The following FAM13A variants were observed in gnomAD, a reference collection of about 807,000 sequenced individuals.
The protein encoded by FAM13A is family with sequence similarity 13 member A.
In FAM13A, 76 loss-of-function variants were observed where a neutral mutation model predicts 129.6. That is an observed-to-expected ratio of 0.59 (90% CI 0.49 to 0.71). The LOEUF (loss-of-function observed/expected upper bound fraction) is 0.71, where lower values mean the gene tolerates loss of function less well. Among genes scored for constraint, FAM13A ranks in the 30% least tolerant of loss-of-function variants. The pLI is 0.00. For synonymous variants in FAM13A, 443 were observed against 449.9 expected (o/e 0.98, Z 0.20); for missense variants, 1,108 against 1,249.3 (o/e 0.89, Z 1.70).
Position 88,747,639 on chromosome 4 carries a change from C to T in FAM13A, c.2374G>A (p.Asp792Asn). The T allele has an allele frequency of 6.2e-7, 1 of 1,614,052 alleles. No individual in the cohort carries two copies. The highest frequency in any genetic ancestry group is 8.5e-7 in the Non-Finnish European group (1 of 1,179,916). The change falls in exon 18 of 24, where the codon GAC (aspartate) becomes AAC (asparagine). Residue 792 changes from aspartate (D) to asparagine (N), a missense_variant. By Grantham distance (23) the Asp-to-Asn change is conservative. Coordinates refer to ENST00000264344, the MANE Select transcript of FAM13A (RefSeq NM_014883.4). Reference sequence around the variant, plus strand: ...TCACAGAATGATCGCACCTTAATGTCCTCAGGGCGGCTGCTTTCCGCTCGC... The same window carrying T: ...TCACAGAATGATCGCACCTTAATGTTCTCAGGGCGGCTGCTTTCCGCTCGC... Reference protein sequence around the residue: ...EKRAESSRPEDIKDMTKDQIA... With the variant: ...EKRAESSRPENIKDMTKDQIA...
chr4:88,763,305 ATTC>A (rs1745150874), intron 13 of FAM13A, among the ~76,000 whole-genome samples: 2 of 152,210 alleles, frequency 1.3e-5, no homozygotes, highest in South Asian at 4.2e-4. Context: ...TCATTCATTC[ATTC>A]ATACATTTGG....
intron 5 of FAM13A, among the ~76,000 whole-genome samples, chr4:88,921,791 G>A (rs895404102): frequency 1.4e-4 from 22 of 152,192 alleles, no homozygotes; most frequent in Non-Finnish European, 2.9e-4. Context: ...TCAGTGTGCT[G>A]TATTCAGGAA....
rs1351652951 is a variant in FAM13A, at chr4:89,002,177, A to C, written c.428-11027T>G. On this transcript the variant is annotated intron_variant, in intron 3 of 23. Coordinates refer to ENST00000264344, the MANE Select transcript of FAM13A (RefSeq NM_014883.4). Reference sequence around the variant, plus strand: ...TTAAAAAGTGTAAGCACCCAACGGCAAAAAAAAAAAAAAAAAAGAACAGCA... The same window carrying C: ...TTAAAAAGTGTAAGCACCCAACGGCCAAAAAAAAAAAAAAAAAGAACAGCA... Among the ~76,000 whole-genome samples, 9 of 16,862 alleles carry C rather than the reference A, an allele frequency of 5.3e-4. No homozygotes were observed. In the African/African-American group the frequency reaches 7.0e-3, roughly 13 times the overall value. 11.1% of individuals were successfully genotyped at this position (16,862 alleles called of 152,430 possible).
At chr4:88,970,686 G>A (rs987971179) in intron 4 of FAM13A, among the ~76,000 whole-genome samples, 7 of 151,998 alleles carry the variant, frequency 4.6e-5, no homozygotes, top group African/African-American at 1.4e-4. Context: ...GCTAAATAAC[G>A]TAGAGGTTAA....
chr4:88,935,816 T>C (rs868155009), intron 5 of FAM13A, among the ~76,000 whole-genome samples: 1 of 152,214 alleles, frequency 6.6e-6, no homozygotes, highest in Non-Finnish European at 1.5e-5. Context: ...CCTTTTGAAA[T>C]GATTTCCATA....
intron 7 of FAM13A, among the ~76,000 whole-genome samples, chr4:88,850,670 G>A (rs1425287643): frequency 6.6e-6 from 1 of 151,910 alleles, no homozygotes; most frequent in Admixed American, 6.6e-5. Context: ...TGTGAGAGTT[G>A]GTTCTAGTGA....
In FAM13A at chr4:89,035,295, T is replaced by C. The variant is rs75949336; in HGVS notation, c.28-5646A>G. ...GCCCAAACCTCAGCATCACGTAATA[T>C]ACCCTTGTAACAAACCTGCACATGC... On this transcript the variant is annotated intron_variant, in intron 1 of 23. Transcript: ENST00000264344. Among the ~76,000 whole-genome samples the C allele has an allele frequency of 4.7e-3, 712 of 152,262 alleles. 5 individuals carry two copies. The highest frequency in any genetic ancestry group is 0.024 in the Middle Eastern group (7 of 294).
At chr4:88,779,623 C>A (rs1473582613) in intron 11 of FAM13A, among the ~76,000 whole-genome samples, 2 of 152,066 alleles carry the variant, frequency 1.3e-5, no homozygotes, top group African/African-American at 4.8e-5. Context: ...TCCTGGAATG[C>A]GGAAACTGGC....
intron 5 of FAM13A, among the ~76,000 whole-genome samples, chr4:88,912,898 T>C (rs1561316843): frequency 6.6e-6 from 1 of 152,170 alleles, no homozygotes; most frequent in East Asian, 1.9e-4. Context: ...GGAGGACCTA[T>C]TGAGCCCAAG....
chr4:88,888,431 A>G (rs1222031500), intron 6 of FAM13A, among the ~76,000 whole-genome samples: 3 of 152,184 alleles, frequency 2.0e-5, no homozygotes, highest in Non-Finnish European at 2.9e-5. Context: ...AGACAATGCT[A>G]CTTTGGGTAT....
At chr4:89,027,074 A>G (rs1441288901) in intron 2 of FAM13A, among the ~76,000 whole-genome samples, 1 of 152,204 alleles carries the variant, frequency 6.6e-6, no homozygotes, top group Admixed American at 6.5e-5. Flanking sequence ...GATATGTTCC[A>G]AGACTGCCAG....
intron 3 of FAM13A, among the ~76,000 whole-genome samples, chr4:89,014,708 T>A (rs1240900923): frequency 6.6e-6 from 1 of 152,248 alleles, no homozygotes; most frequent in Non-Finnish European, 1.5e-5. Flanking sequence ...AATATTCTTG[T>A]GATTTCCTAT....
At chr4:88,816,629 A>G (rs1730788280) in intron 7 of FAM13A, among the ~76,000 whole-genome samples, 1 of 152,204 alleles carries the variant, frequency 6.6e-6, no homozygotes, top group South Asian at 2.1e-4. Context: ...GCTAGTTTTT[A>G]TCTTTTGAAT....
At chr4:88,751,563 G>A (rs1364820553) in intron 14 of FAM13A, among the ~76,000 whole-genome samples, 4 of 151,212 alleles carry the variant, frequency 2.6e-5, no homozygotes, top group South Asian at 2.1e-4. Context: ...GAAGAAAAAC[G>A]AACACCTTAC....
chr4:88,787,198 G>A (rs1450748581), intron 10 of FAM13A, among the ~76,000 whole-genome samples: 2 of 151,824 alleles, frequency 1.3e-5, no homozygotes, highest in African/African-American at 4.8e-5. Context: ...TCATACTATG[G>A]GAATGCCTTA....
intron 4 of FAM13A, among the ~76,000 whole-genome samples, chr4:88,974,739 T>C (rs1760667824): frequency 6.6e-6 from 1 of 152,106 alleles, no homozygotes; most frequent in Admixed American, 6.5e-5. Context: ...GAGGGGAAAC[T>C]AGTTAAGAAG....
At chr4:89,050,566 G>T (rs997166494) in intron 1 of FAM13A, among the ~76,000 whole-genome samples, 11 of 152,030 alleles carry the variant, frequency 7.2e-5, no homozygotes, top group Non-Finnish European at 1.5e-4. Flanking sequence ...CAAAAATCAA[G>T]AAATTAATCT....
rs545482583 is a variant in FAM13A at position 88,847,377 on chromosome 4, T to C, written c.1007+3643A>G. 2.6e-5 allele frequency among the ~76,000 whole-genome samples: 4 copies of C among 152,270 alleles called. No homozygotes were observed. In the South Asian group the frequency reaches 8.3e-4, roughly 32 times the overall value. On this transcript the variant is annotated intron_variant, in intron 7 of 23. Coordinates refer to ENST00000264344, the MANE Select transcript of FAM13A (RefSeq NM_014883.4). ...CTGCACTCTAGCCTGGGCAATATAG[T>C]TAAAGCCTGTCTTAAAAAACAAACA...
At chr4:88,791,573 T>G (rs1442439792) in intron 8 of FAM13A, among the ~76,000 whole-genome samples, 2 of 152,110 alleles carry the variant, frequency 1.3e-5, no homozygotes, top group Non-Finnish European at 2.9e-5. Context: ...TGAGCAGATT[T>G]GAGACAATCT....
Sources: gnomAD v4.1 joint callset for allele counts (sites outside exome capture counted in the v4.1 genomes callset) on GRCh38, gnomAD v4.1.1 for gene constraint, MANE v1.5 for transcripts, NCBI Gene and HGNC (gene_info 2026-07-23, HGNC 2026-07-21) for gene names.